GRIN2A: variants seen among roughly 807,000 people sequenced by gnomAD.
The protein encoded by GRIN2A is glutamate receptor ionotropic, NMDA 2A.
GRIN2A carries 22 observed loss-of-function variants against 113.4 expected under a neutral mutation model. That is an observed-to-expected ratio of 0.19 (90% CI 0.14 to 0.28). The LOEUF is 0.28. Among genes scored for constraint, GRIN2A ranks in the 10% least tolerant of loss-of-function variants. The pLI is 1.00. For missense variants in GRIN2A, 1,502 were observed against 1,887.0 expected (o/e 0.80, Z 3.78); for synonymous variants, 827 against 738.4 (o/e 1.12, Z -1.94).
chr16:9,898,054 C>CTTTT lies in GRIN2A; in HGVS notation c.1008-6958_1008-6955dup, dbSNP rs71402414. ...TTAAAATCTACTGAGCCTCCATTTC[C>CTTTT]TTTTTTTTTTTTTTTTTTTTTGCAA... On this transcript the variant is annotated intron_variant, in intron 3 of 12. Transcript: ENST00000330684. Among the ~76,000 whole-genome samples, 42 of 109,688 alleles carry CTTTT rather than the reference C, an allele frequency of 3.8e-4. 1 individual carries two copies. The highest frequency in any genetic ancestry group is 4.9e-4 in the Non-Finnish European group (28 of 56,714). The allele number at this position is 109,688 out of a possible 152,430, so 72.0% of individuals were successfully genotyped here. A position where few individuals can be genotyped will look rare whatever the true frequency, so the allele number is the denominator to read the frequency against.
At chr16:9,789,923 A>C (rs540407857) in intron 11 of GRIN2A, among the ~76,000 whole-genome samples, 2 of 152,358 alleles carry the variant, frequency 1.3e-5, no homozygotes, top group East Asian at 3.9e-4. Flanking sequence ...AACTGTGAAC[A>C]GGGCTGGTTT....
In GRIN2A at chr16:9,762,950, A is replaced by T; in HGVS notation, c.*199T>A. On this transcript the variant is annotated 3_prime_UTR_variant, in exon 13 of 13. Transcript: ENST00000330684. ...CACCTATCTGGTGTCTGCCATGCTCAGCACACACCTCACAAGATTCCTTGA... is the reference window on the plus strand; with the variant it reads ...CACCTATCTGGTGTCTGCCATGCTCTGCACACACCTCACAAGATTCCTTGA... The T allele has an allele frequency of 1.6e-6, 1 of 625,660 alleles. No individual in the cohort carries two copies. Among genetic ancestry groups the T allele is most frequent in the Middle Eastern group, 4.3e-4 (1 of 2,310 alleles). The allele number at this position is 625,660 out of a possible 1,614,324, so 38.8% of individuals were successfully genotyped here. A position where few individuals can be genotyped will look rare whatever the true frequency, so the allele number is the denominator to read the frequency against.
intron 3 of GRIN2A, among the ~76,000 whole-genome samples, chr16:9,902,383 T>G (rs2043946099): frequency 6.6e-6 from 1 of 152,206 alleles, no homozygotes; most frequent in Admixed American, 6.5e-5. Flanking sequence ...TGAATTATGA[T>G]GTGGAAGCCA....
chr16:9,792,105 G>GTGTGTGTGTGTGTGTGTGTGTC (rs3831728), intron 11 of GRIN2A, among the ~76,000 whole-genome samples: 2 of 151,064 alleles, frequency 1.3e-5, no homozygotes, highest in African/African-American at 4.9e-5. Context: ...GTGTGTGTGT[G>GTGTGTGTGTGTGTGTGTGTGTC]TGTATCTTTC....
intron 11 of GRIN2A, among the ~76,000 whole-genome samples, chr16:9,784,438 A>G (rs1486346966): frequency 5.7e-5 from 8 of 140,436 alleles, no homozygotes; most frequent in African/African-American, 2.0e-4. Context: ...CAACAACAAC[A>G]ACCAAAAAAA....
At chr16:9,794,101 C>A (rs1490408271) in intron 11 of GRIN2A, among the ~76,000 whole-genome samples, 1 of 152,152 alleles carries the variant, frequency 6.6e-6, no homozygotes, top group Admixed American at 6.5e-5. Context: ...GCCAAAGATG[C>A]CATGGTGCAC....
At chr16:9,787,176 G>A (rs892288201) in intron 11 of GRIN2A, among the ~76,000 whole-genome samples, 1 of 151,930 alleles carries the variant, frequency 6.6e-6, no homozygotes, top group Non-Finnish European at 1.5e-5. Context: ...CCCATTCCAG[G>A]CCCTCCCAAT....
chr16:9,839,001 T>C (rs2042627534), intron 7 of GRIN2A, among the ~76,000 whole-genome samples: 1 of 152,196 alleles, frequency 6.6e-6, no homozygotes, highest in East Asian at 1.9e-4. Flanking sequence ...ACTTCACCAC[T>C]ATATAATTCG....
At chr16:10,165,220 A>G (rs2049888062) in intron 2 of GRIN2A, among the ~76,000 whole-genome samples, 1 of 152,146 alleles carries the variant, frequency 6.6e-6, no homozygotes, top group Non-Finnish European at 1.5e-5. Context: ...AAAAATGTTT[A>G]CAAGTAATCT....
chr16:9,939,168 G>A (rs1193077405), intron 2 of GRIN2A, among the ~76,000 whole-genome samples: 2 of 152,082 alleles, frequency 1.3e-5, no homozygotes, highest in Non-Finnish European at 2.9e-5. Context: ...CTTATTAAGT[G>A]TTCTTAATAA....
At chr16:10,140,793 C>A (rs2049312137) in intron 2 of GRIN2A, among the ~76,000 whole-genome samples, 1 of 152,192 alleles carries the variant, frequency 6.6e-6, no homozygotes, top group Non-Finnish European at 1.5e-5. Flanking sequence ...GTGGACTCTG[C>A]ACTCTGTTTC....
chr16:10,081,385 A>G (rs2047979456), intron 2 of GRIN2A, among the ~76,000 whole-genome samples: 6 of 152,318 alleles, frequency 3.9e-5, no homozygotes, highest in Middle Eastern at 6.8e-3. Context: ...TGCCCCCAGA[A>G]AGTTGTTCCA....
In GRIN2A at chr16:9,798,278, A is replaced by G. The variant is rs1903125192; in HGVS notation, c.2355T>C (p.Asp785=). The change falls in exon 11 of 13, where the codon GAT becomes GAC. Residue 785 remains aspartate, a splice_region_variant and synonymous_variant. Coordinates refer to ENST00000330684, the MANE Select transcript of GRIN2A (RefSeq NM_001134407.3). The stretch of plus-strand genomic sequence containing the variant: ...GAAAGGGGTCACCCGGGGTCTTACC[A>G]TCACCCACAAACTGAAGCAAGGCCA... ...IDLALLQFVG[D]GEMEELETLW... is the part of the protein sequence containing the mutation. 6.2e-7 allele frequency: 1 copy of G among 1,613,712 alleles called. No individual in the cohort carries two copies. The highest frequency in any genetic ancestry group is 1.7e-5 in the Admixed American group (1 of 60,002).
chr16:10,009,340 T>C (rs139136325), intron 2 of GRIN2A, among the ~76,000 whole-genome samples: 1 of 152,092 alleles, frequency 6.6e-6, no homozygotes, highest in Non-Finnish European at 1.5e-5. Flanking sequence ...AGAAACACAA[T>C]AGAGTTGACA....
chr16:9,901,029 T>C (rs1033177894), intron 3 of GRIN2A, among the ~76,000 whole-genome samples: 9 of 152,228 alleles, frequency 5.9e-5, no homozygotes, highest in African/African-American at 1.9e-4. Flanking sequence ...TATGGATCAA[T>C]TGACATTCAA....
chr16:10,092,961 C>T (rs1268069674), intron 2 of GRIN2A, among the ~76,000 whole-genome samples: 2 of 151,882 alleles, frequency 1.3e-5, no homozygotes, highest in Non-Finnish European at 2.9e-5. Context: ...GCCTCAGCCT[C>T]CCAAGTAGCT....
chr16:10,115,288 G>C (rs1022477616), intron 2 of GRIN2A, among the ~76,000 whole-genome samples: 1 of 152,070 alleles, frequency 6.6e-6, no homozygotes, highest in Admixed American at 6.5e-5. Context: ...TGGAGAACTG[G>C]TCTCCAATTA....
intron 2 of GRIN2A, among the ~76,000 whole-genome samples, chr16:10,011,035 C>G (rs1237426037): frequency 6.6e-6 from 1 of 152,172 alleles, no homozygotes; most frequent in African/African-American, 2.4e-5. Context: ...ATCCAAAGTT[C>G]CCAGCCACCA....
chr16:9,804,376 T>C (rs751150067), intron 10 of GRIN2A, among the ~76,000 whole-genome samples: 61 of 152,044 alleles, frequency 4.0e-4, no homozygotes, highest in Non-Finnish European at 3.1e-4. Flanking sequence ...AGCATCCAAC[T>C]GAAAGCCCAG....
Sources: allele counts gnomAD v4.1 joint callset (sites outside exome capture counted in the v4.1 genomes callset), GRCh38; gene constraint gnomAD v4.1.1; transcripts MANE v1.5; gene names NCBI Gene and HGNC (gene_info 2026-07-23, HGNC 2026-07-21).